The following MSRA variants were observed in gnomAD, a reference collection of about 807,000 sequenced individuals.
MSRA encodes the protein mitochondrial peptide methionine sulfoxide reductase.
MSRA carries 54 observed loss-of-function variants against 31.3 expected under a neutral mutation model. The ratio of observed to expected loss-of-function variants is 1.73; its 90% CI spans 1.39 to 2.17. The LOEUF (loss-of-function observed/expected upper bound fraction) is 2.17, where lower values mean the gene tolerates loss of function less well. Ranked by LOEUF, MSRA falls within the 30% of genes most tolerant of loss-of-function variation. The pLI is 0.00. For synonymous variants in MSRA, 169 were observed against 116.5 expected (o/e 1.45, Z -2.90); for missense variants, 507 against 300.9 (o/e 1.69, Z -5.07).
At chr8:10,227,593 A>G (rs1028345125) in intron 2 of MSRA, among the ~76,000 whole-genome samples, 4 of 152,186 alleles carry the variant, frequency 2.6e-5, no homozygotes, top group African/African-American at 7.2e-5. Context: ...AGGCTGAAAA[A>G]TAGCAATGTG....
intron 5 of MSRA, among the ~76,000 whole-genome samples, chr8:10,350,358 C>T (rs914735942): frequency 6.6e-6 from 1 of 152,234 alleles, no homozygotes; most frequent in South Asian, 2.1e-4. Context: ...ATGCAGCCAG[C>T]AGTTAGAGTG....
intron 2 of MSRA, among the ~76,000 whole-genome samples, chr8:10,231,074 C>G (rs1433431724): frequency 6.6e-6 from 1 of 152,170 alleles, no homozygotes; most frequent in African/African-American, 2.4e-5. Flanking sequence ...GCATCAGCCA[C>G]CGCACCCAGC....
chr8:10,288,145 A>G (rs929693188), intron 3 of MSRA, among the ~76,000 whole-genome samples: 11 of 152,330 alleles, frequency 7.2e-5, no homozygotes, highest in Admixed American at 7.2e-4. Flanking sequence ...TTGTACTGAT[A>G]TTTGATTGAA....
At chr8:10,188,681 T>C (rs1213763858) in intron 1 of MSRA, among the ~76,000 whole-genome samples, 1 of 152,210 alleles carries the variant, frequency 6.6e-6, no homozygotes, top group African/African-American at 2.4e-5. Flanking sequence ...CTGATTGAAT[T>C]ATCTCAGCAC....
At chr8:10,395,114 T>C (rs907721611) in intron 5 of MSRA, among the ~76,000 whole-genome samples, 3 of 152,148 alleles carry the variant, frequency 2.0e-5, no homozygotes, top group Non-Finnish European at 4.4e-5. Flanking sequence ...CTCAGGATGG[T>C]TTAGGAACAC....
intron 5 of MSRA, among the ~76,000 whole-genome samples, chr8:10,323,790 CTGCA>C (rs1352853696): frequency 9.4e-6 from 1 of 106,750 alleles, no homozygotes; most frequent in Non-Finnish European, 2.2e-5. Context: ...GTCTGTCTGT[CTGCA>C]TGTCTGCATG....
At chr8:10,349,991 T>A (rs2129157370) in intron 5 of MSRA, among the ~76,000 whole-genome samples, 1 of 152,388 alleles carries the variant, frequency 6.6e-6, no homozygotes, top group African/African-American at 2.4e-5. Flanking sequence ...CGCTGAAGCT[T>A]GTGGCTTGGT....
At chr8:10,225,530 A>T (rs10089666) in intron 2 of MSRA, among the ~76,000 whole-genome samples, 66,722 of 151,642 alleles carry the variant, frequency 0.44, 14,827 homozygotes, top group East Asian at 0.64. Context: ...TTTATTCATA[A>T]ATTTAATTTG....
Position 10,319,963 on chromosome 8 carries a change from C to G in MSRA, c.517C>G (p.Leu173Val), listed in dbSNP as rs1253463063. 6.2e-7 allele frequency: 1 copy of G among 1,600,798 alleles called. No homozygotes were observed. The highest frequency in any genetic ancestry group is 1.3e-5 in the African/African-American group (1 of 74,726). Residue 173 changes from leucine to valine, a missense_variant, in exon 5 of 6, where the codon CTG (leucine) becomes GTG (valine). By Grantham distance (32) the Leu-to-Val change is conservative. Coordinates refer to ENST00000317173, the MANE Select transcript of MSRA (RefSeq NM_012331.5). ...CTCTGCCAAGCAAATGGAGGCAGCC[C>G]TGAGCTCCAAAGAGAACTACCAAAA... is the stretch of plus-strand genomic sequence containing the variant. Reference protein sequence around the residue: ...PTSAKQMEAALSSKENYQKVL... With the variant: ...PTSAKQMEAAVSSKENYQKVL...
At chr8:10,144,311 T>C (rs1182666908) in intron 1 of MSRA, among the ~76,000 whole-genome samples, 4 of 152,300 alleles carry the variant, frequency 2.6e-5, no homozygotes, top group African/African-American at 4.8e-5. Flanking sequence ...CTGGGTTCAG[T>C]GTTTGGCTCT....
At chr8:10,118,123 C>T (rs1004149575) in intron 1 of MSRA, among the ~76,000 whole-genome samples, 2 of 152,166 alleles carry the variant, frequency 1.3e-5, no homozygotes, top group African/African-American at 2.4e-5. Context: ...TGGTGGTTGG[C>T]AGAGCTGGAG....
chr8:10,338,171 C>G (rs1424799585), intron 5 of MSRA, among the ~76,000 whole-genome samples: 2 of 152,090 alleles, frequency 1.3e-5, no homozygotes, highest in African/African-American at 4.8e-5. Flanking sequence ...AAGTGAGCCC[C>G]GAGAAAGCAA....
intron 5 of MSRA, among the ~76,000 whole-genome samples, chr8:10,394,121 T>G (rs1251930680): frequency 6.6e-6 from 1 of 152,182 alleles, no homozygotes; most frequent in Non-Finnish European, 1.5e-5. Context: ...GTAATGACAT[T>G]TAAATATTTT....
Position 10,403,877 on chromosome 8 carries a change from A to C in MSRA, c.544-24271A>C, listed in dbSNP as rs1348948740. On this transcript the variant is annotated intron_variant, in intron 5 of 5. Transcript: ENST00000317173. ...GACCTAGGCTTCCCATCTGGTGCAC[A>C]GGGATGAGACCGCACCACTCACAGA... Among the ~76,000 whole-genome samples the C allele has an allele frequency of 7.9e-5, 12 of 152,210 alleles. No homozygotes were observed. The East Asian group carries it at 1.9e-3, about 24-fold the overall frequency.
intron 5 of MSRA, among the ~76,000 whole-genome samples, chr8:10,392,939 A>G (rs1006570337): frequency 1.1e-4 from 16 of 149,050 alleles, no homozygotes; most frequent in South Asian, 4.3e-4. Flanking sequence ...GCGGGCGCCT[A>G]TAGTCCCAGC....
chr8:10,168,040 C>T (rs1258003768), intron 1 of MSRA, among the ~76,000 whole-genome samples: 1 of 152,108 alleles, frequency 6.6e-6, no homozygotes, highest in Non-Finnish European at 1.5e-5. Flanking sequence ...TGGAACCCAA[C>T]AGTTTGGGTT....
intron 1 of MSRA, among the ~76,000 whole-genome samples, chr8:10,167,120 A>G (rs901138972): frequency 6.6e-6 from 1 of 151,882 alleles, no homozygotes; most frequent in Non-Finnish European, 1.5e-5. Context: ...CTCTTCCAAC[A>G]CTGCTTCCCC....
At chr8:10,400,419 T>C (rs1807387185) in intron 5 of MSRA, among the ~76,000 whole-genome samples, 1 of 149,068 alleles carries the variant, frequency 6.7e-6, no homozygotes, top group South Asian at 2.1e-4. Context: ...ACACGGTGGA[T>C]GAATGAGAGC....
At chr8:10,383,705 C>G (rs1806214536) in intron 5 of MSRA, among the ~76,000 whole-genome samples, 1 of 152,162 alleles carries the variant, frequency 6.6e-6, no homozygotes, top group African/African-American at 2.4e-5. Context: ...AATCGGATCG[C>G]TTTCCTTTCC....
Sources: gnomAD v4.1 joint callset for allele counts (sites outside exome capture counted in the v4.1 genomes callset) on GRCh38, gnomAD v4.1.1 for gene constraint, MANE v1.5 for transcripts, NCBI Gene and HGNC (gene_info 2026-07-23, HGNC 2026-07-21) for gene names.